ACBD6: variants seen among roughly 807,000 people sequenced by gnomAD.
ACBD6 encodes the protein acyl-CoA binding domain containing 6.
ACBD6 carries 28 observed loss-of-function variants against 37.2 expected under a neutral mutation model. That is an observed-to-expected ratio of 0.75 (90% CI 0.56 to 1.03). The LOEUF (loss-of-function observed/expected upper bound fraction) is 1.03. Among genes scored for constraint, ACBD6 ranks in the 50% least tolerant of loss-of-function variants. ACBD6 has a pLI of 0.00. For synonymous variants in ACBD6, 113 were observed against 126.8 expected (o/e 0.89, Z 0.73); for missense variants, 340 against 337.4 (o/e 1.01, Z -0.06).
At chr1:180,500,405 A>C (rs1651914414) in intron 1 of ACBD6, among the ~76,000 whole-genome samples, 1 of 152,080 alleles carries the variant, frequency 6.6e-6, no homozygotes, top group Non-Finnish European at 1.5e-5. Context: ...TCTTAAAGCA[A>C]ATGTTGGCGG....
At chr1:180,374,066 C>T (rs76287980) in intron 6 of ACBD6, among the ~76,000 whole-genome samples, 1,707 of 152,212 alleles carry the variant, frequency 0.011, 33 homozygotes, top group African/African-American at 0.039. Flanking sequence ...TTGGAAGGCA[C>T]ATCCTTAGTG....
intron 3 of ACBD6, among the ~76,000 whole-genome samples, chr1:180,448,046 T>C (rs1437495642): frequency 6.6e-6 from 1 of 152,136 alleles, no homozygotes; most frequent in Non-Finnish European, 1.5e-5. Context: ...CCTTAATAAT[T>C]TGCAAAATGC....
rs1253068052 is a variant in ACBD6, at chr1:180,304,464, C to T, written c.694+10228G>A. ...CACAAGCATTCTTATACAACAATAA[C>T]AGACAGAGAGCCAAATCATGAGTGA... is the stretch of plus-strand genomic sequence containing the variant. On this transcript the variant is annotated intron_variant, in intron 7 of 7. Coordinates refer to ENST00000367595, the MANE Select transcript of ACBD6 (RefSeq NM_032360.4). Among the ~76,000 whole-genome samples, 17 of 150,732 alleles carry T rather than the reference C, an allele frequency of 1.1e-4. 2 individuals are homozygous for T. The highest frequency in any genetic ancestry group is 1.5e-5 in the Non-Finnish European group (1 of 67,480).
chr1:180,316,990 T>C (rs1650839145), intron 6 of ACBD6, among the ~76,000 whole-genome samples: 1 of 152,148 alleles, frequency 6.6e-6, no homozygotes, highest in Admixed American at 6.6e-5. Flanking sequence ...CTGGGGAAGA[T>C]ACTAAGGTGG....
intron 6 of ACBD6, among the ~76,000 whole-genome samples, chr1:180,340,015 A>T (rs1651916215): frequency 6.6e-6 from 1 of 152,092 alleles, no homozygotes; most frequent in Non-Finnish European, 1.5e-5. Flanking sequence ...AATAGGAGGG[A>T]ACAAGATGAG....
chr1:180,452,853 G>T (rs1027463745), intron 3 of ACBD6, among the ~76,000 whole-genome samples: 1 of 152,142 alleles, frequency 6.6e-6, no homozygotes, highest in Admixed American at 6.5e-5. Flanking sequence ...ACCCTCCCAA[G>T]ACTAAATCAG....
chr1:180,274,228 T>C lies in ACBD6; in HGVS notation c.*937-116A>G, dbSNP rs140444641. ...AACTTGGCCACACCAATAGGATTTA[T>C]GGCAACGTGGGGGACGTTACAGGCG... On this transcript the variant is annotated intron_variant, in intron 10 of 13. Coordinates refer to the ACBD6 transcript ENST00000642319. 31 of 1,614,240 alleles carry C rather than the reference T, an allele frequency of 1.9e-5. No homozygotes were observed. The African/African-American group carries it at 3.7e-4, about 19-fold the overall frequency.
Position 180,413,368 on chromosome 1 carries a change from C to G in ACBD6, c.571G>C (p.Glu191Gln), listed in dbSNP as rs775175635. 6.8e-6 allele frequency: 11 copies of G among 1,611,550 alleles called. No individual in the cohort carries two copies. Among genetic ancestry groups the G allele is most frequent in the South Asian group, 1.1e-5 (1 of 91,024 alleles). Reference sequence around the variant, plus strand: ...TTAACAGGGCATGTTTTTCATACCTCTTCATCTTTCACATTCACATCCACA... The same window carrying G: ...TTAACAGGGCATGTTTTTCATACCTGTTCATCTTTCACATTCACATCCACA... ...KNVDVNVKDE[E>Q]GRALLHWACD... The change falls in exon 5 of 8, where the codon GAG becomes CAG. Residue 191 changes from glutamate to glutamine, a missense_variant and splice_region_variant. Physicochemically the swap from Glu to Gln is conservative, Grantham distance 29 (BLOSUM62 2). Coordinates refer to ENST00000367595, the MANE Select transcript of ACBD6 (RefSeq NM_032360.4).
intron 6 of ACBD6, among the ~76,000 whole-genome samples, chr1:180,373,114 T>C (rs1653319942): frequency 6.6e-6 from 1 of 152,172 alleles, no homozygotes; most frequent in South Asian, 2.1e-4. Context: ...AATAAAGGAA[T>C]AGCAGCAATG....
intron 4 of ACBD6, among the ~76,000 whole-genome samples, chr1:180,423,721 A>T (rs1395902434): frequency 6.6e-6 from 1 of 152,192 alleles, no homozygotes; most frequent in African/African-American, 2.4e-5. Flanking sequence ...TCACCCCTTA[A>T]AAGCTGCTTA....
At chr1:180,312,489 T>C (rs1650631763) in intron 7 of ACBD6, among the ~76,000 whole-genome samples, 1 of 152,204 alleles carries the variant, frequency 6.6e-6, no homozygotes, top group Non-Finnish European at 1.5e-5. Flanking sequence ...CTGTATTGTT[T>C]GAGAATGATG....
chr1:180,435,703 C>A (rs746371547), intron 3 of ACBD6: 2 of 863,112 alleles, frequency 2.3e-6, no homozygotes, highest in Admixed American at 3.4e-5. Context: ...AGTTAGAGAC[C>A]GCTGTCAATC....
intron 3 of ACBD6, among the ~76,000 whole-genome samples, chr1:180,447,985 G>A (rs930573983): frequency 6.6e-6 from 1 of 151,946 alleles, no homozygotes; most frequent in Non-Finnish European, 1.5e-5. Context: ...GTTACCCACG[G>A]GTTTAGGGTT....
chr1:180,275,111 T>C (rs1648950822), exon 10 of ACBD6: 1 of 152,510 alleles, frequency 6.6e-6, no homozygotes, highest in Non-Finnish European at 1.5e-5. Flanking sequence ...CAGTGAACAC[T>C]TTGATGGCCA....
intron 5 of ACBD6, among the ~76,000 whole-genome samples, chr1:180,402,815 A>AT (rs1647436415): frequency 6.6e-6 from 1 of 151,414 alleles, no homozygotes; most frequent in Admixed American, 6.6e-5. Context: ...AAAAAAAAAA[A>AT]TCCCTTCACA....
intron 5 of ACBD6, among the ~76,000 whole-genome samples, chr1:180,403,587 A>G (rs1374684276): frequency 6.6e-6 from 1 of 152,172 alleles, no homozygotes; most frequent in African/African-American, 2.4e-5. Context: ...TTTTCATAAT[A>G]GATTCTTGGG....
intron 3 of ACBD6, among the ~76,000 whole-genome samples, chr1:180,465,179 T>C (rs1650300953): frequency 6.6e-6 from 1 of 151,934 alleles, no homozygotes; most frequent in Non-Finnish European, 1.5e-5. Flanking sequence ...ACAAAAGGGA[T>C]CTAATTAAAC....
At chr1:180,495,918 G>C (rs1298017402) in intron 1 of ACBD6, among the ~76,000 whole-genome samples, 1 of 152,114 alleles carries the variant, frequency 6.6e-6, no homozygotes, top group Non-Finnish European at 1.5e-5. Context: ...TAATTTATCA[G>C]AATTCATAAC....
At position 180,374,793 on chromosome 1, in the gene ACBD6, A is replaced by G. The variant is rs1387946934; in HGVS notation, c.663+22723T>C. 2.0e-5 allele frequency among the ~76,000 whole-genome samples: 3 copies of G among 152,236 alleles called. 1 individual carries two copies. The highest frequency in any genetic ancestry group is 4.4e-5 in the Non-Finnish European group (3 of 68,038). On this transcript the variant is annotated intron_variant, in intron 6 of 7. Transcript: ENST00000367595. ...CTTAACATCATATAAATGGTGTAAGAATTATATTGAAGTATAGAAATTAGA... is the reference window on the plus strand; with the variant it reads ...CTTAACATCATATAAATGGTGTAAGGATTATATTGAAGTATAGAAATTAGA...
Sources: gnomAD v4.1 joint callset for allele counts (sites outside exome capture counted in the v4.1 genomes callset) on GRCh38, gnomAD v4.1.1 for gene constraint, MANE v1.5 for transcripts, NCBI Gene and HGNC (gene_info 2026-07-23, HGNC 2026-07-21) for gene names.